The following PLCB4 variants were observed in gnomAD, a reference collection of about 807,000 sequenced individuals.
The protein encoded by PLCB4 is 1-phosphatidylinositol 4,5-bisphosphate phosphodiesterase beta-4.
Under a neutral mutation model 178.8 loss-of-function variants are expected in PLCB4, and 77 were observed. The ratio of observed to expected loss-of-function variants is 0.43; its 90% CI spans 0.36 to 0.52. The LOEUF is 0.52. PLCB4 is among the 20% of genes least tolerant of loss of function. The pLI, the probability that PLCB4 is intolerant of heterozygous loss-of-function variation, is 0.00. For missense variants in PLCB4, 1,024 were observed against 1,453.4 expected, an observed-to-expected ratio of 0.70 and a Z score of 4.80; for synonymous variants, 496 against 490.8, an observed-to-expected ratio of 1.01 and a Z score of -0.14.
intron 3 of PLCB4, among the ~76,000 whole-genome samples, chr20:9,219,394 A>G (rs750654542): frequency 3.9e-5 from 6 of 152,122 alleles, no homozygotes; most frequent in Non-Finnish European, 7.4e-5. Flanking sequence ...GCATGAACCC[A>G]GGAGGCGGAG....
chr20:9,110,264 A>T (rs1242723771), intron 2 of PLCB4, among the ~76,000 whole-genome samples: 1 of 152,060 alleles, frequency 6.6e-6, no homozygotes, highest in Non-Finnish European at 1.5e-5. Context: ...TATATTTTTG[A>T]TGGAAAATAA....
chr20:9,422,015 C>T (rs186673628), intron 27 of PLCB4, among the ~76,000 whole-genome samples: 16 of 152,166 alleles, frequency 1.1e-4, no homozygotes, highest in Non-Finnish European at 2.2e-4. Flanking sequence ...TTCTCTCTAA[C>T]GTTCGGTTGT....
At chr20:9,363,483 A>T (rs2035523381) in intron 8 of PLCB4, among the ~76,000 whole-genome samples, 1 of 152,178 alleles carries the variant, frequency 6.6e-6, no homozygotes, top group Non-Finnish European at 1.5e-5. Flanking sequence ...TTTTTTCTGT[A>T]GGATTCAGTT....
At chr20:9,447,668 C>T (rs561925942) in intron 32 of PLCB4, among the ~76,000 whole-genome samples, 31 of 152,268 alleles carry the variant, frequency 2.0e-4, no homozygotes, top group Admixed American at 5.9e-4. Flanking sequence ...TATAGCCTAC[C>T]GGCTATTCAA....
At chr20:9,302,443 C>A (rs2094716862) in intron 3 of PLCB4, among the ~76,000 whole-genome samples, 1 of 152,020 alleles carries the variant, frequency 6.6e-6, no homozygotes, top group African/African-American at 2.4e-5. Context: ...TAAAATAACC[C>A]AGCTAGTGCC....
intron 3 of PLCB4, among the ~76,000 whole-genome samples, chr20:9,222,416 A>G (rs1399772612): frequency 6.6e-6 from 1 of 151,754 alleles, no homozygotes; most frequent in Non-Finnish European, 1.5e-5. Context: ...TCGATTCAGT[A>G]CAGCACAAAA....
At chr20:9,353,311 A>G (rs2034503832) in intron 7 of PLCB4, among the ~76,000 whole-genome samples, 1 of 152,058 alleles carries the variant, frequency 6.6e-6, no homozygotes, top group Non-Finnish European at 1.5e-5. Flanking sequence ...TCTTGCACTC[A>G]TCTTTCTTGC....
intron 12 of PLCB4, among the ~76,000 whole-genome samples, chr20:9,375,130 T>G (rs1376520809): frequency 6.6e-6 from 1 of 152,112 alleles, no homozygotes; most frequent in African/African-American, 2.4e-5. Flanking sequence ...CCTAGTGAAC[T>G]CAACTGGAAG....
At chr20:9,444,110 G>A in intron 31 of PLCB4, 68 bp from the exon 32 acceptor site, 1 of 1,430,034 alleles carries the variant, frequency 7.0e-7, no homozygotes, top group Non-Finnish European at 9.8e-7. Flanking sequence ...TTCTCACCAA[G>A]TGTAATCATT....
At chr20:9,270,020 G>T (rs1208081708) in intron 3 of PLCB4, among the ~76,000 whole-genome samples, 1 of 151,968 alleles carries the variant, frequency 6.6e-6, no homozygotes, top group East Asian at 1.9e-4. Context: ...AGGGTGGGTT[G>T]GCAATATACA....
At position 9,450,638 on chromosome 20, in the gene PLCB4, GTTTTC is replaced by G. The variant is rs200111854; in HGVS notation, c.2881-2689_2881-2685del. Among the ~76,000 whole-genome samples, 308 of 139,562 alleles carry G rather than the reference GTTTTC, an allele frequency of 2.2e-3. 3 individuals are homozygous for G. The highest frequency in any genetic ancestry group is 2.5e-3 in the Admixed American group (35 of 13,818). The allele number at this position is 139,562 out of a possible 152,430, so 91.6% of individuals were successfully genotyped here. On this transcript the variant is annotated intron_variant, in intron 32 of 39. Coordinates refer to ENST00000378473, the MANE Select transcript of PLCB4 (RefSeq NM_001377142.1). ...CGGTTAGGCAAAGGTACCTAACTCAGTTTTCTTTTCTTTTCTTTTCTTTTTTTTTT... is the reference window on the plus strand; with the variant it reads ...CGGTTAGGCAAAGGTACCTAACTCAGTTTTCTTTTCTTTTCTTTTTTTTTT...
chr20:9,148,605 T>G (rs1459340641), intron 2 of PLCB4, among the ~76,000 whole-genome samples: 2 of 152,138 alleles, frequency 1.3e-5, no homozygotes, highest in East Asian at 1.9e-4. Flanking sequence ...GAATTTGTGT[T>G]CTAGCTCCTT....
At chr20:9,213,746 T>A (rs2147255136) in intron 2 of PLCB4, among the ~76,000 whole-genome samples, 1 of 152,330 alleles carries the variant, frequency 6.6e-6, no homozygotes, top group East Asian at 1.9e-4. Flanking sequence ...TAGACTGTTT[T>A]CCAAAGCAGC....
chr20:9,289,261 A>G (rs1568529582), intron 3 of PLCB4, among the ~76,000 whole-genome samples: 1 of 152,122 alleles, frequency 6.6e-6, no homozygotes, highest in South Asian at 2.1e-4. Flanking sequence ...CCCAAATAGC[A>G]TTGTAGACCA....
At chr20:9,103,447 AT>A (rs2091254579) in intron 2 of PLCB4, among the ~76,000 whole-genome samples, 1 of 152,162 alleles carries the variant, frequency 6.6e-6, no homozygotes, top group African/African-American at 2.4e-5. Context: ...ACCATTTAAT[AT>A]TTTTGCAAAT....
At chr20:9,236,207 T>G (rs1053252192) in intron 3 of PLCB4, among the ~76,000 whole-genome samples, 3 of 152,198 alleles carry the variant, frequency 2.0e-5, no homozygotes, top group Admixed American at 6.5e-5. Flanking sequence ...AAGCAGGTAC[T>G]CTGGCACAGA....
intron 2 of PLCB4, among the ~76,000 whole-genome samples, chr20:9,112,181 G>A (rs535375756): frequency 1.1e-4 from 16 of 152,110 alleles, no homozygotes; most frequent in African/African-American, 3.9e-4. Flanking sequence ...CTGAAGAGAA[G>A]GCCTTTTACA....
chr20:9,133,020 G>T (rs987603937), intron 2 of PLCB4, among the ~76,000 whole-genome samples: 1 of 152,122 alleles, frequency 6.6e-6, no homozygotes, highest in African/African-American at 2.4e-5. Flanking sequence ...TGTCAGTAGT[G>T]CCTCTGTTGA....
intron 3 of PLCB4, among the ~76,000 whole-genome samples, chr20:9,294,623 A>T (rs1220284434): frequency 6.6e-6 from 1 of 152,086 alleles, no homozygotes; most frequent in Admixed American, 6.6e-5. Flanking sequence ...CTGGATAAGG[A>T]TTTAAAGACC....
Sources: allele counts gnomAD v4.1 joint callset (sites outside exome capture counted in the v4.1 genomes callset), GRCh38; gene constraint gnomAD v4.1.1; transcripts MANE v1.5; gene names NCBI Gene and HGNC (gene_info 2026-07-23, HGNC 2026-07-21).